Variants in ALMS1 observed in about 807,000 individuals in gnomAD.
The protein encoded by ALMS1 is ALMS1 centrosome and basal body associated protein, also known as centrosome-associated protein ALMS1.
Under a neutral mutation model 352.2 loss-of-function variants are expected in ALMS1, and 271 were observed. That is an observed-to-expected ratio of 0.77 (90% CI 0.70 to 0.85). The LOEUF (loss-of-function observed/expected upper bound fraction) is 0.85, where lower values mean the gene tolerates loss of function less well. Ranked by LOEUF, ALMS1 falls within the 40% of genes least tolerant of loss-of-function variation. The pLI is 0.00. For synonymous variants in ALMS1, 1,865 were observed against 1,761.2 expected (o/e 1.06, Z -1.48); for missense variants, 5,445 against 4,870.7 (o/e 1.12, Z -3.51).
chr2:73,389,729 G>T (rs7602957), intron 1 of ALMS1, among the ~76,000 whole-genome samples: 5,385 of 151,834 alleles, frequency 0.035, 310 homozygotes, highest in African/African-American at 0.12. Context: ...TTGCTCTGTT[G>T]CCCAGGCTGG....
chr2:73,551,423 A>ACCTTTTTT (rs1558691064), intron 13 of ALMS1, among the ~76,000 whole-genome samples: 1 of 112,436 alleles, frequency 8.9e-6, no homozygotes, highest in African/African-American at 3.5e-5. Context: ...TTGAGTTTCA[A>ACCTTTTTT]TCTTTTTTTT....
chr2:73,570,417 T>C (rs1340556350), intron 15 of ALMS1, among the ~76,000 whole-genome samples: 2 of 151,994 alleles, frequency 1.3e-5, no homozygotes, highest in Non-Finnish European at 2.9e-5. Context: ...TACATTGAGG[T>C]CATTGATCAT....
intron 1 of ALMS1, among the ~76,000 whole-genome samples, chr2:73,405,297 T>C (rs143925047): frequency 1.3e-5 from 2 of 152,256 alleles, no homozygotes; most frequent in East Asian, 3.9e-4. Context: ...TATTTTTTCA[T>C]GTTACTCAGT....
intron 10 of ALMS1, among the ~76,000 whole-genome samples, chr2:73,510,586 GT>G (rs1039934822): frequency 3.6e-4 from 55 of 152,296 alleles, no homozygotes; most frequent in African/African-American, 1.3e-3. Context: ...TACCTCTGAA[GT>G]TTTGTCCCAG....
intron 10 of ALMS1, among the ~76,000 whole-genome samples, chr2:73,509,158 C>T (rs955624000): frequency 2.6e-5 from 4 of 151,954 alleles, no homozygotes; most frequent in South Asian, 2.1e-4. Context: ...ACATGAGATG[C>T]GTCTCCTGAA....
rs36025075 is a variant in ALMS1, at chr2:73,597,781, C to CT, written c.11548-1606dup. ...AGCTGTTTGGAATCCTGACACAGAG[C>CT]TTTTTTTTTTTTTTCCCTGCATCAA... On this transcript the variant is annotated intron_variant, in intron 16 of 22. Coordinates refer to ENST00000613296, the MANE Select transcript of ALMS1 (RefSeq NM_001378454.1). Among the ~76,000 whole-genome samples, 208 of 142,104 alleles carry CT rather than the reference C, an allele frequency of 1.5e-3. 1 individual carries two copies. Among genetic ancestry groups the CT allele is most frequent in the Non-Finnish European group, 1.4e-3 (92 of 64,708 alleles). 93.2% of individuals were successfully genotyped at this position (142,104 alleles called of 152,430 possible).
intron 16 of ALMS1, among the ~76,000 whole-genome samples, chr2:73,592,927 A>G (rs1306625722): frequency 6.6e-6 from 1 of 152,162 alleles, no homozygotes; most frequent in Non-Finnish European, 1.5e-5. Flanking sequence ...TCATAGTGGA[A>G]ATTAAAACAG....
intron 4 of ALMS1, 92 bp downstream of exon 4, chr2:73,423,066 G>GT (rs1476829357): frequency 8.9e-7 from 1 of 1,128,314 alleles, no homozygotes; most frequent in East Asian, 2.4e-5. Flanking sequence ...GGACTTTGAG[G>GT]TGGGGCTTAG....
rs1461548443 is a variant in ALMS1 at position 73,453,810 on chromosome 2, G to A, written c.7283G>A (p.Trp2428Ter). ...AGTGATGGAAATGGTTCCTGCTCGT[G>A]GGACAGTAATTTACCAGAGTCTTTG... ...DASDGNGSCS[W>*]DSNLPESLES... Residue 2428 changes from tryptophan (W) to a stop codon, truncating the protein, a stop_gained, in exon 8 of 23, where the codon TGG becomes TAG. Transcript: ENST00000613296. LOFTEE classifies it high-confidence loss of function. The A allele has an allele frequency of 6.2e-7, 1 of 1,614,110 alleles. No homozygotes were observed. Among genetic ancestry groups the A allele is most frequent in the Admixed American group, 1.7e-5 (1 of 60,002 alleles).
chr2:73,595,129 T>C (rs922005958), intron 16 of ALMS1, among the ~76,000 whole-genome samples: 5 of 152,236 alleles, frequency 3.3e-5, no homozygotes, highest in African/African-American at 1.2e-4. Flanking sequence ...ACAAAATATT[T>C]GATCAAGAGT....
chr2:73,463,773 G>A (rs1387615463), intron 9 of ALMS1, among the ~76,000 whole-genome samples: 4 of 142,376 alleles, frequency 2.8e-5, no homozygotes, highest in Non-Finnish European at 6.1e-5. Flanking sequence ...TATCACCACC[G>A]ATCCCACAGA....
chr2:73,461,929 A>G lies in ALMS1; in HGVS notation c.7674+6634A>G, dbSNP rs1242407765. On this transcript the variant is annotated intron_variant, in intron 9 of 22. Coordinates refer to ENST00000613296, the MANE Select transcript of ALMS1 (RefSeq NM_001378454.1). ...AAAAAAGAATAAAAAGAAACGAACAAAGCCTCCAAGAAATATGGGACTATG... is the reference window on the plus strand; with the variant it reads ...AAAAAAGAATAAAAAGAAACGAACAGAGCCTCCAAGAAATATGGGACTATG... Among the ~76,000 whole-genome samples the G allele has an allele frequency of 2.6e-5, 4 of 152,092 alleles. No homozygotes were observed. In the East Asian group the frequency reaches 7.7e-4, roughly 29 times the overall value.
intron 22 of ALMS1, among the ~76,000 whole-genome samples, chr2:73,609,148 A>G (rs908003443): frequency 5.9e-5 from 9 of 152,174 alleles, no homozygotes; most frequent in African/African-American, 2.2e-4. Context: ...CATATACTTC[A>G]CTGTAGTTGT....
intron 16 of ALMS1, among the ~76,000 whole-genome samples, chr2:73,576,542 G>A (rs1384759330): frequency 6.6e-6 from 1 of 151,600 alleles, no homozygotes; most frequent in South Asian, 2.1e-4. Flanking sequence ...ATTTTGATGA[G>A]TGTTTTTGTC....
intron 19 of ALMS1, 21 bp downstream of exon 19, chr2:73,601,457 C>T: frequency 6.2e-7 from 1 of 1,612,924 alleles, no homozygotes; most frequent in Non-Finnish European, 8.5e-7. Context: ...GTTGACTTAA[C>T]TTTAATGCTA....
Position 73,608,361 on chromosome 2 carries a change from G to C in ALMS1, c.12363-114G>C, listed in dbSNP as rs569615556. The C allele has an allele frequency of 1.9e-3, 1,605 of 851,678 alleles. 41 individuals are homozygous for C. The South Asian group carries it at 0.021, about 11-fold the overall frequency. 52.8% of individuals were successfully genotyped at this position (851,678 alleles called of 1,614,324 possible). On this transcript the variant is annotated intron_variant, in intron 21 of 22. Coordinates refer to ENST00000613296, the MANE Select transcript of ALMS1 (RefSeq NM_001378454.1). ...ACGGGGCCCAGGGCCTTTCTGAGAG[G>C]GATGAGCTCCTGGAGAGTGGGAGGT... is the stretch of plus-strand genomic sequence containing the variant.
chr2:73,401,694 T>A (rs1305813940), intron 1 of ALMS1, among the ~76,000 whole-genome samples: 1 of 151,614 alleles, frequency 6.6e-6, no homozygotes, highest in African/African-American at 2.4e-5. Context: ...TTTTTTTTTG[T>A]GGCAAGAGCT....
In ALMS1 at chr2:73,448,680, A is replaced by G. The variant is rs1182404684; in HGVS notation, c.2153A>G (p.His718Arg). The G allele has an allele frequency of 1.9e-6, 3 of 1,605,192 alleles. No individual in the cohort carries two copies. Among genetic ancestry groups the G allele is most frequent in the South Asian group, 1.1e-5 (1 of 90,512 alleles). Residue 718 changes from histidine to arginine, a missense_variant, in exon 8 of 23, where the codon CAT becomes CGT. Transcript: ENST00000613296. ...ACAGTACTCTCTACTCCCCACTCAC[A>G]TAGAGAGAAGCCTGGTATTTTTTAC... Reference protein sequence around the residue: ...TATVLSTPHSHREKPGIFYQQ... With the variant: ...TATVLSTPHSRREKPGIFYQQ...
Position 73,452,069 on chromosome 2 carries a change from T to A in ALMS1, c.5542T>A (p.Ser1848Thr), listed in dbSNP as rs750818287. 1 of 1,614,084 alleles carries A rather than the reference T, an allele frequency of 6.2e-7. No homozygotes were observed. The stretch of plus-strand genomic sequence containing the variant: ...GAAGACTGGAATAAACATCCTGCCC[T>A]CTAATTCCTACCCACAGAGAGAGCA... The part of the protein sequence containing the change: ...DQKTGINILP[S>T]NSYPQREHSV... The change falls in exon 8 of 23, where the codon TCT becomes ACT. Residue 1848 changes from serine (S) to threonine (T), a missense_variant. Ser to Thr is a moderately conservative substitution (Grantham distance 58). Transcript: ENST00000613296.
Sources: gnomAD v4.1 joint callset for allele counts (sites outside exome capture counted in the v4.1 genomes callset) on GRCh38, gnomAD v4.1.1 for gene constraint, MANE v1.5 for transcripts, NCBI Gene and HGNC (gene_info 2026-07-23, HGNC 2026-07-21) for gene names.